MISP: variants seen among roughly 807,000 people sequenced by gnomAD.
MISP encodes the protein mitotic interactor and substrate of PLK1.
Under a neutral mutation model 49.3 loss-of-function variants are expected in MISP, and 51 were observed. The ratio of observed to expected loss-of-function variants is 1.03; its 90% CI spans 0.83 to 1.31. The LOEUF is 1.31. MISP is among the 50% of genes most tolerant of loss of function. The pLI is 0.00. For missense variants in MISP, 1,084 were observed against 935.1 expected, an observed-to-expected ratio of 1.16 and a Z score of -2.08; for synonymous variants, 444 against 392.6, an observed-to-expected ratio of 1.13 and a Z score of -1.55.
At chr19:756,527 A>G (rs1283804064) in intron 1 of MISP, among the ~76,000 whole-genome samples, 1 of 152,218 alleles carries the variant, frequency 6.6e-6, no homozygotes, top group African/African-American at 2.4e-5. Context: ...AACCAATCAC[A>G]GAGGCCAGAA....
chr19:755,076 G>C (rs1224132999), intron 1 of MISP, among the ~76,000 whole-genome samples: 2 of 152,052 alleles, frequency 1.3e-5, no homozygotes, highest in African/African-American at 4.8e-5. Flanking sequence ...GGAGGGCCTG[G>C]CTTGGGGTGG....
chr19:759,913 C>T lies in MISP; in HGVS notation c.1785C>T (p.Ile595=), dbSNP rs1353613092. 8.7e-6 allele frequency: 14 copies of T among 1,613,930 alleles called. No individual in the cohort carries two copies. Among genetic ancestry groups the T allele is most frequent in the African/African-American group, 4.0e-5 (3 of 74,904 alleles). The stretch of plus-strand genomic sequence containing the variant: ...GCCCTCCCTGCTCCCCTACAGGCAT[C>T]ACGGGCAGTTACTCGGTGTCTGAGT... ...NSRSSSQASG[I]TGSYSVSESP... is the part of the protein sequence containing the mutation. Residue 595 remains isoleucine (I), a synonymous_variant, in exon 3 of 5, where the codon ATC becomes ATT. Transcript: ENST00000215582.
chr19:754,450 G>A (rs1402405949), intron 1 of MISP, among the ~76,000 whole-genome samples: 1 of 151,690 alleles, frequency 6.6e-6, no homozygotes, highest in Non-Finnish European at 1.5e-5. Context: ...GCGACAGAGT[G>A]AGACTCCGCC....
intron 1 of MISP, among the ~76,000 whole-genome samples, chr19:755,249 G>A (rs1035132406): frequency 6.6e-6 from 1 of 152,188 alleles, no homozygotes; most frequent in Admixed American, 6.5e-5. Context: ...TTGGGAGAGG[G>A]CGAGAGCCGG....
chr19:752,511 G>A (rs959494395), intron 1 of MISP, among the ~76,000 whole-genome samples: 1 of 133,270 alleles, frequency 7.5e-6, no homozygotes, highest in Admixed American at 8.2e-5. Flanking sequence ...GCGACAGAGG[G>A]AGACTCTATC....
At chr19:748,596 GTCCTGTCCTTTGT>G (rs2033412776), upstream of MISP, among the ~76,000 whole-genome samples, 1 of 152,134 alleles carries the variant, frequency 6.6e-6, no homozygotes, top group Non-Finnish European at 1.5e-5. Flanking sequence ...CGGCCGCCCC[GTCCTGTCCTTTGT>G]TCCTCCCTTT....
upstream of MISP, among the ~76,000 whole-genome samples, chr19:750,188 CTTTTTTTTTTTTT>C (rs71174321): frequency 1.3e-3 from 144 of 112,642 alleles, 1 homozygote; most frequent in African/African-American, 5.0e-3. Flanking sequence ...TCGTGCGGTT[CTTTTTTTTTTTTT>C]TTTTTTTTTT....
At position 758,290 on chromosome 19, in the gene MISP, C is replaced by G. The variant is rs569010355; in HGVS notation, c.1344C>G (p.Ser448Arg). The G allele has an allele frequency of 1.9e-6, 3 of 1,614,020 alleles. No individual in the cohort carries two copies. The highest frequency in any genetic ancestry group is 2.7e-5 in the African/African-American group (2 of 75,078). ...CCTTCGGAGCATTCGGCAAGCCCAGCAGTCTCTCCACAGCGGAGGCCAAGG... is the reference window on the plus strand; with the variant it reads ...CCTTCGGAGCATTCGGCAAGCCCAGGAGTCTCTCCACAGCGGAGGCCAAGG... ...FSAFGAFGKP[S>R]SLSTAEAKAA... The change falls in exon 2 of 5, where the codon AGC (serine) becomes AGG (arginine). Residue 448 changes from serine to arginine, a missense_variant. By Grantham distance (110) the Ser-to-Arg change is moderately radical. Transcript: ENST00000215582.
chr19:758,691 C>G lies in MISP; in HGVS notation c.1745C>G (p.Ser582Cys), dbSNP rs766149521. The change falls in exon 2 of 5, where the codon TCT (serine) becomes TGT (cysteine). Residue 582 changes from serine (S) to cysteine (C), a missense_variant. Coordinates refer to ENST00000215582, the MANE Select transcript of MISP (RefSeq NM_173481.4). ...TTCTCCCCAACGCCAGATGAGAACT[C>G]TGACCAGAACTCCAGGAGCTCCTCC... ...EVFSPTPDENSDQNSRSSSQA... is the reference protein window; with the variant it reads ...EVFSPTPDENCDQNSRSSSQA... 2.5e-6 allele frequency: 4 copies of G among 1,614,032 alleles called. No individual in the cohort carries two copies. Among genetic ancestry groups the G allele is most frequent in the Non-Finnish European group, 3.4e-6 (4 of 1,179,924 alleles).
intron 1 of MISP, among the ~76,000 whole-genome samples, chr19:753,518 T>G (rs1215949862): frequency 1.3e-5 from 2 of 151,416 alleles, no homozygotes; most frequent in Non-Finnish European, 2.9e-5. Context: ...CCTGAGTAGC[T>G]GGGACTACAG....
intron 4 of MISP, 43 bp downstream of exon 4, chr19:761,706 C>T (rs556691863): frequency 9.9e-6 from 16 of 1,610,076 alleles, no homozygotes; most frequent in South Asian, 4.4e-5. Flanking sequence ...CTTTCCCCCC[C>T]ACATCTGTGC....
Position 759,990 on chromosome 19 carries a change from A to G in MISP, c.1862A>G (p.Glu621Gly), listed in dbSNP as rs779483029. The change falls in exon 3 of 5, where the codon GAA becomes GGA. Residue 621 changes from glutamate to glycine, a missense_variant. Coordinates refer to ENST00000215582, the MANE Select transcript of MISP (RefSeq NM_173481.4). The stretch of plus-strand genomic sequence containing the variant: ...CACTCAAACGTGGCGTGGACAGTGG[A>G]AGATCCAGTGGACAGTGCTCCTCCC... ...HLHSNVAWTV[E>G]DPVDSAPPGQ... is the part of the protein sequence containing the mutation. 6.2e-6 allele frequency: 10 copies of G among 1,613,946 alleles called. No individual in the cohort carries two copies. In the South Asian group the frequency reaches 8.8e-5, roughly 14 times the overall value.
chr19:759,054 C>T (rs1048056452), intron 2 of MISP, among the ~76,000 whole-genome samples: 15 of 152,142 alleles, frequency 9.9e-5, no homozygotes, highest in African/African-American at 2.4e-4. Flanking sequence ...GACGGAGTCT[C>T]GCTCTGTCGC....
At chr19:763,400 T>C (rs1187201285) in intron 4 of MISP, 101 bp from the exon 5 acceptor site, 6 of 768,776 alleles carry the variant, frequency 7.8e-6, no homozygotes, top group Non-Finnish European at 1.4e-5. Context: ...GATCCTACTT[T>C]ACCCCCGTTC....
In MISP at chr19:757,679, G is replaced by A. The variant is rs368652913; in HGVS notation, c.733G>A (p.Val245Ile). 6.2e-7 allele frequency: 1 copy of A among 1,613,794 alleles called. No homozygotes were observed. Among genetic ancestry groups the A allele is most frequent in the Non-Finnish European group, 8.5e-7 (1 of 1,179,948 alleles). Residue 245 changes from valine to isoleucine, a missense_variant, in exon 2 of 5, where the codon GTT becomes ATT. Coordinates refer to ENST00000215582, the MANE Select transcript of MISP (RefSeq NM_173481.4). ...NKPHLANGHV[V>I]PIKPQVKGVV... is the part of the protein sequence containing the mutation. ...GCCCCACCTGGCCAACGGGCACGTG[G>A]TTCCCATCAAGCCCCAGGTGAAGGG...
In MISP at chr19:752,712, G is replaced by A. The variant is rs559217689; in HGVS notation, c.-58+1541G>A. ...CAACCCCGACCCCACTGGGAGACCC[G>A]GCACCTGCTCGAGGCTGGGCGGACA... On this transcript the variant is annotated intron_variant, in intron 1 of 4. Transcript: ENST00000215582. 3.0e-3 allele frequency among the ~76,000 whole-genome samples: 426 copies of A among 144,332 alleles called. 2 individuals are homozygous for A. The highest frequency in any genetic ancestry group is 0.01 in the African/African-American group (412 of 39,910). 94.7% of individuals were successfully genotyped at this position (144,332 alleles called of 152,430 possible). A position where few individuals can be genotyped will look rare whatever the true frequency, so the allele number is the denominator to read the frequency against.
rs1306673437 is a variant in MISP at position 757,340 on chromosome 19, G to A, written c.394G>A (p.Asp132Asn). ...KTYRLDAGDA[D>N]PRRLCDLERE... The stretch of plus-strand genomic sequence containing the variant: ...CTACCGCCTGGATGCTGGGGACGCT[G>A]ACCCCAGGAGGCTGTGTGACCTGGA... Residue 132 changes from aspartate to asparagine, a missense_variant, in exon 2 of 5, where the codon GAC becomes AAC. Physicochemically the swap from Asp to Asn is conservative, Grantham distance 23. Transcript: ENST00000215582. The A allele has an allele frequency of 6.2e-7, 1 of 1,613,828 alleles. No individual in the cohort carries two copies. The highest frequency in any genetic ancestry group is 2.2e-5 in the East Asian group (1 of 44,862).
rs1355706112 is a variant in MISP, at chr19:764,264, G to A, written c.*674G>A. ...GTGACCCAGTTTAGGAGCTGGAGGG[G>A]GGTCTTTGTCCCCCACCCCCAAACT... On this transcript the variant is annotated 3_prime_UTR_variant, in exon 5 of 5. Transcript: ENST00000215582. 1 of 152,274 alleles carries A rather than the reference G, an allele frequency of 6.6e-6. No individual in the cohort carries two copies. The highest frequency in any genetic ancestry group is 6.5e-5 in the Admixed American group (1 of 15,272). 9.4% of individuals were successfully genotyped at this position (152,274 alleles called of 1,614,324 possible).
chr19:749,384 A>G (rs1216849083), upstream of MISP, among the ~76,000 whole-genome samples: 2 of 152,166 alleles, frequency 1.3e-5, no homozygotes, highest in East Asian at 3.9e-4. Flanking sequence ...CCGTTTCCCT[A>G]TCTACAAGCC....
Sources: gnomAD v4.1 joint callset for allele counts (sites outside exome capture counted in the v4.1 genomes callset) on GRCh38, gnomAD v4.1.1 for gene constraint, MANE v1.5 for transcripts, NCBI Gene and HGNC (gene_info 2026-07-23, HGNC 2026-07-21) for gene names.